Variants in IGF1 observed in about 807,000 individuals in gnomAD.
IGF1 encodes insulin-like growth factor 1.
IGF1 carries 4 observed loss-of-function variants against 13.8 expected under a neutral mutation model. The observed-to-expected ratio is 0.29, with a 90% CI of 0.14 to 0.66. IGF1 has a LOEUF of 0.66. Among genes scored for constraint, IGF1 ranks in the 30% least tolerant of loss-of-function variants. The pLI, the probability that IGF1 is intolerant of heterozygous loss-of-function variation, is 0.78. For missense variants in IGF1, 124 were observed against 188.5 expected (o/e 0.66, Z 2.00); for synonymous variants, 76 against 72.6 (o/e 1.05, Z -0.23).
chr12:102,441,915 C>CTTCCTT (rs1555244052), intron 2 of IGF1, among the ~76,000 whole-genome samples: 2 of 122,138 alleles, frequency 1.6e-5, no homozygotes, highest in African/African-American at 3.1e-5. Flanking sequence ...TGCTTCTTCT[C>CTTCCTT]CTTCTTCTTC....
chr12:102,468,430 G>A (rs372276655), intron 2 of IGF1, among the ~76,000 whole-genome samples: 128 of 152,334 alleles, frequency 8.4e-4, no homozygotes, highest in African/African-American at 2.8e-3. Context: ...AGTAAGAGGG[G>A]CAGCTATGCC....
intron 2 of IGF1, among the ~76,000 whole-genome samples, chr12:102,456,952 T>C (rs1362686890): frequency 6.6e-6 from 1 of 152,182 alleles, no homozygotes; most frequent in Non-Finnish European, 1.5e-5. Flanking sequence ...CCTGATTTTC[T>C]AAGAATTTTG....
chr12:102,480,304 G>T lies in IGF1; in HGVS notation c.63+15C>A. 1 of 1,609,654 alleles carries T rather than the reference G, an allele frequency of 6.2e-7. No individual in the cohort carries two copies. ...TAGAATTCCCCAATGACTTCAAAGA[G>T]TAAGAAATATTTACCTTCAAGAAAT... is the stretch of plus-strand genomic sequence containing the variant. On this transcript the variant is annotated intron_variant, in intron 1 of 3. Transcript: ENST00000337514.
Position 102,446,359 on chromosome 12 carries a change from T to G in IGF1, c.221-26669A>C, listed in dbSNP as rs547632074. Among the ~76,000 whole-genome samples the G allele has an allele frequency of 2.0e-5, 3 of 152,310 alleles. No homozygotes were observed. The East Asian group carries it at 5.8e-4, about 29-fold the overall frequency. ...TATGCATCCATCTGGTCCTGGGTTT[T>G]TTTTTGGTTGGTAGGCTATTAATTA... is the stretch of plus-strand genomic sequence containing the variant. On this transcript the variant is annotated intron_variant, in intron 2 of 3. Coordinates refer to ENST00000337514, the MANE Select transcript of IGF1 (RefSeq NM_000618.5).
rs1873608724 is a variant in IGF1, at chr12:102,400,609, A to C, written c.*1898T>G. Reference sequence around the variant, plus strand: ...AGAGTAAAGTTTGTTAAAGAAGATAACTTTGTGACTTTTTATTAGATATTA... The same window carrying C: ...AGAGTAAAGTTTGTTAAAGAAGATACCTTTGTGACTTTTTATTAGATATTA... On this transcript the variant is annotated 3_prime_UTR_variant, in exon 4 of 4. Transcript: ENST00000337514. 1 of 152,186 alleles carries C rather than the reference A, an allele frequency of 6.6e-6. No individual in the cohort carries two copies. Among genetic ancestry groups the C allele is most frequent in the South Asian group, 2.1e-4 (1 of 4,838 alleles). 9.4% of individuals were successfully genotyped at this position (152,186 alleles called of 1,614,324 possible).
At chr12:102,441,906 G>GCTGCTTCTTCTTCTT in intron 2 of IGF1, among the ~76,000 whole-genome samples, 40 of 100,338 alleles carry the variant, frequency 4.0e-4, no homozygotes, top group Non-Finnish European at 5.2e-4. Flanking sequence ...CTATTACACT[G>GCTGCTTCTTCTTCTT]CTTCTTCTCC....
At chr12:102,415,595 C>CTTCCTTCA in intron 3 of IGF1, 1 of 147,698 alleles carries the variant, frequency 6.8e-6, no homozygotes, top group African/African-American at 2.5e-5. Context: ...TCCTTCCTTC[C>CTTCCTTCA]TTCCCTCCCT....
At chr12:102,477,071 G>T (rs1881093560) in intron 1 of IGF1, among the ~76,000 whole-genome samples, 2 of 152,078 alleles carry the variant, frequency 1.3e-5, no homozygotes, top group South Asian at 4.2e-4. Flanking sequence ...ATTATAAGAA[G>T]AGCATTTTTT....
intron 2 of IGF1, among the ~76,000 whole-genome samples, chr12:102,447,952 C>T (rs1273243453): frequency 2.6e-5 from 4 of 151,982 alleles, no homozygotes; most frequent in Non-Finnish European, 5.9e-5. Context: ...AGCTTCTGCA[C>T]AGCAAAAGAA....
rs1327925022 is a variant in IGF1 at position 102,480,313 on chromosome 12, A to G, written c.63+6T>C. The G allele has an allele frequency of 6.2e-7, 1 of 1,612,076 alleles. No homozygotes were observed. The highest frequency in any genetic ancestry group is 8.5e-7 in the Non-Finnish European group (1 of 1,178,576). ...CCAATGACTTCAAAGAGTAAGAAATATTTACCTTCAAGAAATCACAAAAGC... is the reference window on the plus strand; with the variant it reads ...CCAATGACTTCAAAGAGTAAGAAATGTTTACCTTCAAGAAATCACAAAAGC... On this transcript the variant is annotated splice_donor_region_variant and intron_variant, in intron 1 of 3. Coordinates refer to ENST00000337514, the MANE Select transcript of IGF1 (RefSeq NM_000618.5).
At chr12:102,420,374 A>T (rs1875597146) in intron 2 of IGF1, among the ~76,000 whole-genome samples, 1 of 152,248 alleles carries the variant, frequency 6.6e-6, no homozygotes, top group African/African-American at 2.4e-5. Flanking sequence ...CAGTTTTCCC[A>T]TTTATGTAAT....
At chr12:102,416,181 A>T (rs1463181434) in intron 3 of IGF1, among the ~76,000 whole-genome samples, 1 of 152,270 alleles carries the variant, frequency 6.6e-6, no homozygotes. Context: ...ACTTGGATGA[A>T]ATGCTTCACT....
chr12:102,400,990 A>C lies in IGF1; in HGVS notation c.*1517T>G, dbSNP rs1202044960. 1 of 152,234 alleles carries C rather than the reference A, an allele frequency of 6.6e-6. No homozygotes were observed. Among genetic ancestry groups the C allele is most frequent in the African/African-American group, 2.4e-5 (1 of 41,458 alleles). 9.4% of individuals were successfully genotyped at this position (152,234 alleles called of 1,614,324 possible). A position where few individuals can be genotyped will look rare whatever the true frequency, so the allele number is the denominator to read the frequency against. ...GTTAGCTTTTAACAACTAGTTGGCC[A>C]GTTATTTGGATAGCTTCACTGACAA... On this transcript the variant is annotated 3_prime_UTR_variant, in exon 4 of 4. Transcript: ENST00000337514.
At chr12:102,405,446 C>T (rs1261634274) in intron 3 of IGF1, among the ~76,000 whole-genome samples, 4 of 151,964 alleles carry the variant, frequency 2.6e-5, no homozygotes, top group Non-Finnish European at 5.9e-5. Context: ...CATGGGGCCA[C>T]AGAATAGCAT....
At chr12:102,416,089 C>G (rs1387933351) in intron 3 of IGF1, among the ~76,000 whole-genome samples, 1 of 152,108 alleles carries the variant, frequency 6.6e-6, no homozygotes, top group Non-Finnish European at 1.5e-5. Context: ...AAGGGTGATC[C>G]TGGAGTAAAA....
At chr12:102,417,739 T>C in intron 3 of IGF1, 3 of 1,594,434 alleles carry the variant, frequency 1.9e-6, no homozygotes, top group Non-Finnish European at 2.6e-6. Flanking sequence ...ATTTCCTCTA[T>C]TGTATTTTCT....
At chr12:102,471,250 T>G (rs1481154184) in intron 2 of IGF1, among the ~76,000 whole-genome samples, 1 of 152,192 alleles carries the variant, frequency 6.6e-6, no homozygotes, top group African/African-American at 2.4e-5. Context: ...TGTTCTTTCT[T>G]GAATAGCACC....
chr12:102,480,593 C>A, upstream of IGF1: 1 of 1,404,854 alleles, frequency 7.1e-7, no homozygotes, highest in Non-Finnish European at 9.3e-7. Flanking sequence ...TCACATTTAT[C>A]TACAAAACAC....
At chr12:102,429,644 A>C (rs1217996297) in intron 2 of IGF1, among the ~76,000 whole-genome samples, 3 of 152,234 alleles carry the variant, frequency 2.0e-5, no homozygotes, top group African/African-American at 7.2e-5. Context: ...CTTTTTAACA[A>C]ATGTAATTAT....
Sources: allele counts gnomAD v4.1 joint callset (sites outside exome capture counted in the v4.1 genomes callset), GRCh38; gene constraint gnomAD v4.1.1; transcripts MANE v1.5; gene names NCBI Gene and HGNC (gene_info 2026-07-23, HGNC 2026-07-21).